Variants in DOT1L observed in about 807,000 individuals in gnomAD.
DOT1L encodes the protein histone-lysine N-methyltransferase, H3 lysine-79 specific.
A neutral mutation model predicts 153.3 loss-of-function variants in DOT1L; 33 were observed. The ratio of observed to expected loss-of-function variants is 0.22; its 90% CI spans 0.16 to 0.29. DOT1L has a LOEUF of 0.29. Ranked by LOEUF, DOT1L falls within the 10% of genes least tolerant of loss-of-function variation. The pLI is 1.00. For missense variants in DOT1L, 1,847 were observed against 2,119.9 expected, an observed-to-expected ratio of 0.87 and a Z score of 2.53; for synonymous variants, 1,135 against 965.1, an observed-to-expected ratio of 1.18 and a Z score of -3.26.
At chr19:2,218,630 T>C (rs575313980) in intron 22 of DOT1L, among the ~76,000 whole-genome samples, 2 of 152,204 alleles carry the variant, frequency 1.3e-5, no homozygotes, top group East Asian at 3.9e-4. Context: ...CCTGACCTAG[T>C]GATCCGCCCG....
rs8113174 is a variant in DOT1L, at chr19:2,211,858, C to A, written c.1557+16C>A. 1 of 1,550,984 alleles carries A rather than the reference C, an allele frequency of 6.4e-7. No individual in the cohort carries two copies. Among genetic ancestry groups the A allele is most frequent in the Non-Finnish European group, 8.7e-7 (1 of 1,147,728 alleles). On this transcript the variant is annotated intron_variant, in intron 16 of 27. Coordinates refer to ENST00000398665, the MANE Select transcript of DOT1L (RefSeq NM_032482.3). ...CCAGGAGAAGGTGGGTCCTGGCCCC[C>A]TTGGCATTCCGCCTTCCCGCACAGA...
chr19:2,214,801 T>G, intron 19 of DOT1L: 7 of 649,840 alleles, frequency 1.1e-5, no homozygotes, highest in Non-Finnish European at 1.7e-5. Flanking sequence ...AGCCCTCAGC[T>G]CTCGGGGGCA....
chr19:2,191,734 C>T lies in DOT1L; in HGVS notation c.493+494C>T, dbSNP rs1324529339. Among the ~76,000 whole-genome samples the T allele has an allele frequency of 6.6e-6, 1 of 152,002 alleles. No homozygotes were observed. Among genetic ancestry groups the T allele is most frequent in the Non-Finnish European group, 1.5e-5 (1 of 67,988 alleles). On this transcript the variant is annotated intron_variant, in intron 5 of 27. Transcript: ENST00000398665. The surrounding 1 kb of genome is among the most constrained non-coding windows in gnomAD (Gnocchi z 6.8). ...GAGGCCCTCGCGCCCTCCCTGCATC[C>T]CCAGTCTCCCTCGGCACCCCTGCGT...
chr19:2,174,717 T>C (rs2021824127), intron 1 of DOT1L, among the ~76,000 whole-genome samples: 2 of 151,062 alleles, frequency 1.3e-5, no homozygotes, highest in South Asian at 2.1e-4. Flanking sequence ...ACTCCTGGGC[T>C]CAAGTGATCC....
At chr19:2,165,960 C>A (rs1034889725) in intron 1 of DOT1L, among the ~76,000 whole-genome samples, 2 of 151,710 alleles carry the variant, frequency 1.3e-5, no homozygotes, top group Non-Finnish European at 1.5e-5. Flanking sequence ...TTAGTAGAGA[C>A]GGGGTTTCAC....
chr19:2,219,674 G>A (rs1599609480), intron 22 of DOT1L, among the ~76,000 whole-genome samples: 1 of 152,222 alleles, frequency 6.6e-6, no homozygotes, highest in Non-Finnish European at 1.5e-5. Context: ...GTTGGACTTG[G>A]AGTGTGGTGT....
intron 9 of DOT1L, among the ~76,000 whole-genome samples, chr19:2,206,189 A>C (rs559132355): frequency 3.4e-3 from 515 of 151,870 alleles, no homozygotes; most frequent in Non-Finnish European, 5.2e-3. Flanking sequence ...TAGTAGAGAC[A>C]CGGTTTTACC....
chr19:2,209,127 T>C (rs2023615279), intron 12 of DOT1L, 151 bp downstream of exon 12: 2 of 758,610 alleles, frequency 2.6e-6, no homozygotes, highest in East Asian at 5.8e-5. Context: ...TCCCGCCTCC[T>C]TCCTGCTCCT....
At chr19:2,225,274 G>A (rs556514524) in intron 25 of DOT1L, 114 bp from the exon 26 acceptor site, 3 of 1,045,682 alleles carry the variant, frequency 2.9e-6, no homozygotes, top group Admixed American at 1.8e-5. Flanking sequence ...TGTCTGGGCC[G>A]AGTGCTTCTC....
rs2023544736 is a variant in DOT1L at position 2,207,430 on chromosome 19, C to T, written c.857-144C>T. On this transcript the variant is annotated intron_variant, in intron 10 of 27. Coordinates refer to ENST00000398665, the MANE Select transcript of DOT1L (RefSeq NM_032482.3). The surrounding 1 kb of genome is among the most constrained non-coding windows in gnomAD (Gnocchi z 4.5). ...ACCTCCCTGGGCCGGCCTCTGTGGG[C>T]CACTGTGGCCTGACGCAGTGTGGGA... is the stretch of plus-strand genomic sequence containing the variant. 1.5e-6 allele frequency: 1 copy of T among 668,472 alleles called. No individual in the cohort carries two copies. The highest frequency in any genetic ancestry group is 2.5e-6 in the Non-Finnish European group (1 of 403,934). 41.4% of individuals were successfully genotyped at this position (668,472 alleles called of 1,614,324 possible). A position where few individuals can be genotyped will look rare whatever the true frequency, so the allele number is the denominator to read the frequency against.
chr19:2,214,118 C>T (rs1355678988), intron 18 of DOT1L, 132 bp downstream of exon 18: 14 of 1,393,260 alleles, frequency 1.0e-5, no homozygotes, highest in Non-Finnish European at 1.1e-5. Context: ...ACGAATTGCG[C>T]CACCTGTGAA....
rs143500292 is a variant in DOT1L, at chr19:2,204,462, G to A, written c.787+1683G>A. On this transcript the variant is annotated intron_variant, in intron 9 of 27. Coordinates refer to ENST00000398665, the MANE Select transcript of DOT1L (RefSeq NM_032482.3). The surrounding 1 kb of genome is among the most constrained non-coding windows in gnomAD (Gnocchi z 5.7). Reference sequence around the variant, plus strand: ...CGCCCCCACACCCCAGCAGCACTACGGGCCTCCCTGCACCCTGCAGCTGCA... The same window carrying A: ...CGCCCCCACACCCCAGCAGCACTACAGGCCTCCCTGCACCCTGCAGCTGCA... Among the ~76,000 whole-genome samples, 2,030 of 152,136 alleles carry A rather than the reference G, an allele frequency of 0.013. 41 individuals carry two copies. Among genetic ancestry groups the A allele is most frequent in the African/African-American group, 0.046 (1,891 of 41,472 alleles).
rs760371205 is a variant in DOT1L, at chr19:2,226,340, C to G, written c.3819C>G (p.Phe1273Leu). 4.4e-6 allele frequency: 7 copies of G among 1,594,440 alleles called. No individual in the cohort carries two copies. The highest frequency in any genetic ancestry group is 6.0e-6 in the Non-Finnish European group (7 of 1,172,476). Residue 1273 changes from phenylalanine (F) to leucine (L), a missense_variant, in exon 27 of 28, where the codon TTC becomes TTG. Physicochemically the swap from Phe to Leu is conservative, Grantham distance 22 (BLOSUM62 0). Coordinates refer to ENST00000398665, the MANE Select transcript of DOT1L (RefSeq NM_032482.3). ...CCGCCCTCAGCCAGAACTCCCTGTT[C>G]ACGTTCCGGCCCGCCCTGGAGGAGC... The part of the protein sequence containing the change: ...ASSALSQNSL[F>L]TFRPALEEPS...
Position 2,230,610 on chromosome 19 carries a change from T to G in DOT1L, c.*818T>G, listed in dbSNP as rs1269087688. 1.0e-5 allele frequency: 4 copies of G among 398,536 alleles called. No individual in the cohort carries two copies. The highest frequency in any genetic ancestry group is 1.8e-5 in the Non-Finnish European group (4 of 226,076). The allele number at this position is 398,536 out of a possible 1,614,324, so 24.7% of individuals were successfully genotyped here. The stretch of plus-strand genomic sequence containing the variant: ...CAGGCCTGTCGTGGGTCCCTTGGTG[T>G]TTCTGTACAGGAGAGAGTCACACTA... On this transcript the variant is annotated 3_prime_UTR_variant, in exon 28 of 28. Coordinates refer to ENST00000398665, the MANE Select transcript of DOT1L (RefSeq NM_032482.3).
chr19:2,215,462 C>T (rs1224065826), intron 19 of DOT1L: 1 of 152,292 alleles, frequency 6.6e-6, no homozygotes, highest in Non-Finnish European at 1.5e-5. Context: ...TCCCAGAGCC[C>T]CATCCCGTCG....
chr19:2,215,314 A>C (rs560469834), intron 19 of DOT1L: 1 of 151,756 alleles, frequency 6.6e-6, no homozygotes, highest in South Asian at 2.1e-4. Context: ...GCATTCGTGG[A>C]GGCCGAGTAG....
At chr19:2,166,246 G>C (rs1014847690) in intron 1 of DOT1L, among the ~76,000 whole-genome samples, 1 of 150,824 alleles carries the variant, frequency 6.6e-6, no homozygotes, top group East Asian at 1.9e-4. Context: ...ACAGGCATGC[G>C]CCACCACACC....
chr19:2,169,620 A>G (rs569375163), intron 1 of DOT1L, among the ~76,000 whole-genome samples: 1 of 152,206 alleles, frequency 6.6e-6, no homozygotes, highest in Non-Finnish European at 1.5e-5. Context: ...CAGCCTCCCG[A>G]GTAGCTGGGA....
chr19:2,194,494 G>C, intron 6 of DOT1L, 21 bp from the exon 7 acceptor site: 1 of 1,613,886 alleles, frequency 6.2e-7, no homozygotes, highest in Non-Finnish European at 8.5e-7. Context: ...TGTAACGGGC[G>C]TTTGGTTTCT....
Sources: allele counts gnomAD v4.1 joint callset (sites outside exome capture counted in the v4.1 genomes callset), GRCh38; gene constraint gnomAD v4.1.1; non-coding constraint Gnocchi (gnomAD v3.1); transcripts MANE v1.5; gene names NCBI Gene and HGNC (gene_info 2026-07-23, HGNC 2026-07-21).